Variants in CDYL observed in about 807,000 individuals in gnomAD.
CDYL encodes the protein chromodomain Y-like protein.
A neutral mutation model predicts 47.3 loss-of-function variants in CDYL; 8 were observed. The ratio of observed to expected loss-of-function variants is 0.17; its 90% CI spans 0.10 to 0.31. The LOEUF (loss-of-function observed/expected upper bound fraction) is 0.31. Ranked by LOEUF, CDYL falls within the 10% of genes least tolerant of loss-of-function variation. The pLI, the probability that CDYL is intolerant of heterozygous loss-of-function variation, is 1.00. For missense variants in CDYL, 471 were observed against 701.4 expected, an observed-to-expected ratio of 0.67 and a Z score of 3.71; for synonymous variants, 266 against 265.0, an observed-to-expected ratio of 1.00 and a Z score of -0.04.
chr6:4,739,676 G>A (rs147035717), intron 3 of CDYL, among the ~76,000 whole-genome samples: 27 of 152,104 alleles, frequency 1.8e-4, no homozygotes, highest in African/African-American at 5.1e-4. Flanking sequence ...GATTGAGGCC[G>A]GGCGTGGTGG....
chr6:4,856,459 G>A (rs748945850), intron 1 of CDYL, among the ~76,000 whole-genome samples: 17 of 152,160 alleles, frequency 1.1e-4, no homozygotes, highest in Non-Finnish European at 1.8e-4. Flanking sequence ...AGGAGGGAAG[G>A]GGACAAGGGG....
intron 1 of CDYL, among the ~76,000 whole-genome samples, 179 bp downstream of exon 1, chr6:4,776,986 C>T (rs1758477344): frequency 6.7e-6 from 1 of 150,324 alleles, no homozygotes; most frequent in Admixed American, 6.6e-5. Context: ...TTCCGAGGGG[C>T]CCCGGCCGGG....
intron 3 of CDYL, among the ~76,000 whole-genome samples, chr6:4,771,133 G>T (rs933929056): frequency 1.3e-5 from 2 of 151,804 alleles, no homozygotes; most frequent in African/African-American, 2.4e-5. Context: ...TTGGCGGGGG[G>T]GATGGAGTCT....
chr6:4,754,039 G>T (rs1336847692), intron 3 of CDYL, among the ~76,000 whole-genome samples: 2 of 152,108 alleles, frequency 1.3e-5, no homozygotes, highest in Non-Finnish European at 2.9e-5. Flanking sequence ...GGAGGCTGAG[G>T]TGGGAGGATC....
At chr6:4,729,223 T>C (rs1757562719) in intron 2 of CDYL, among the ~76,000 whole-genome samples, 1 of 151,988 alleles carries the variant, frequency 6.6e-6, no homozygotes, top group African/African-American at 2.4e-5. Context: ...CCCCTGAAAT[T>C]CCCCCAAACA....
At chr6:4,715,763 C>G (rs778140923) in exon 2 of CDYL, 2 of 1,613,632 alleles carry the variant, frequency 1.2e-6, no homozygotes, top group South Asian at 1.1e-5. Context: ...GAACACAGAG[C>G]CCCCGGAAGA....
Position 4,784,974 on chromosome 6 carries a change from G to T in CDYL, c.24+8167G>T, listed in dbSNP as rs115676335. Among the ~76,000 whole-genome samples, 223 of 152,246 alleles carry T rather than the reference G, an allele frequency of 1.5e-3. 1 individual carries two copies. The highest frequency in any genetic ancestry group is 4.7e-3 in the African/African-American group (196 of 41,526). On this transcript the variant is annotated intron_variant, in intron 1 of 6. Transcript: ENST00000397588. ...TCCTCATTCACCTTCCTCCATGATTGTGAGGCCCCCCCAGCCATGTGGAAC... is the reference window on the plus strand; with the variant it reads ...TCCTCATTCACCTTCCTCCATGATTTTGAGGCCCCCCCAGCCATGTGGAAC...
Position 4,943,770 on chromosome 6 carries a change from TAAA to T in CDYL, c.1332+29_1332+31del, listed in dbSNP as rs34649909. 3,336 of 1,172,810 alleles carry T rather than the reference TAAA, an allele frequency of 2.8e-3. 13 individuals are homozygous for T. The highest frequency in any genetic ancestry group is 0.018 in the African/African-American group (1,139 of 63,680). 72.7% of individuals were successfully genotyped at this position (1,172,810 alleles called of 1,614,324 possible). ...GGAGGAGCATCTGTGAGTACCTTTT[TAAA>T]AAAAAAAAAAAAAAGTCATTCTAGA... On this transcript the variant is annotated intron_variant, in intron 5 of 6. Transcript: ENST00000397588.
At chr6:4,870,172 C>T (rs1661449889) in intron 1 of CDYL, among the ~76,000 whole-genome samples, 1 of 152,142 alleles carries the variant, frequency 6.6e-6, no homozygotes, top group Non-Finnish European at 1.5e-5. Context: ...TCAAGCAATC[C>T]TCCTACCTCA....
At chr6:4,838,537 T>C (rs1478129730) in intron 1 of CDYL, among the ~76,000 whole-genome samples, 1 of 152,226 alleles carries the variant, frequency 6.6e-6, no homozygotes. Flanking sequence ...ACAGTTTCTT[T>C]ATATACTTGT....
At chr6:4,933,851 C>T (rs1030975249) in intron 2 of CDYL, among the ~76,000 whole-genome samples, 11 of 152,240 alleles carry the variant, frequency 7.2e-5, no homozygotes, top group Middle Eastern at 3.4e-3. Context: ...TTGGTCATAT[C>T]GACAAGTCAC....
intron 2 of CDYL, among the ~76,000 whole-genome samples, chr6:4,718,957 CTT>C (rs1319582917): frequency 2.7e-5 from 4 of 149,782 alleles, no homozygotes; most frequent in Non-Finnish European, 4.4e-5. Context: ...GAGTTTTGCT[CTT>C]GTTGCCCAGG....
At chr6:4,754,090 G>A (rs773394222) in intron 3 of CDYL, among the ~76,000 whole-genome samples, 1 of 152,202 alleles carries the variant, frequency 6.6e-6, no homozygotes, top group East Asian at 1.9e-4. Context: ...AGCTATGACT[G>A]CACCACTGCA....
At chr6:4,735,451 T>C (rs945150752) in intron 3 of CDYL, among the ~76,000 whole-genome samples, 4 of 152,042 alleles carry the variant, frequency 2.6e-5, no homozygotes. Flanking sequence ...TATTAGGATA[T>C]AATTGACATA....
chr6:4,725,304 C>A (rs949450703), intron 2 of CDYL, among the ~76,000 whole-genome samples: 1 of 152,280 alleles, frequency 6.6e-6, no homozygotes, highest in South Asian at 2.1e-4. Context: ...GTGGAGCTGC[C>A]TGCCAGTCCT....
intron 2 of CDYL, among the ~76,000 whole-genome samples, chr6:4,923,887 T>C (rs74879659): frequency 0.023 from 2,708 of 115,732 alleles, 44 homozygotes; most frequent in Middle Eastern, 0.047. Context: ...GGTGACAGAG[T>C]GAGACTCCGT....
chr6:4,726,698 T>C (rs1582286528), intron 2 of CDYL, among the ~76,000 whole-genome samples: 1 of 141,312 alleles, frequency 7.1e-6, no homozygotes, highest in South Asian at 2.2e-4. Context: ...GAGACCTGTC[T>C]CAAAAAAAAA....
chr6:4,746,669 A>G (rs1224619646), intron 3 of CDYL, among the ~76,000 whole-genome samples: 1 of 152,194 alleles, frequency 6.6e-6, no homozygotes, highest in Non-Finnish European at 1.5e-5. Context: ...CACAGGGAAG[A>G]GAGAAGCAGG....
At chr6:4,900,515 C>T (rs1046044388) in intron 2 of CDYL, among the ~76,000 whole-genome samples, 12 of 151,620 alleles carry the variant, frequency 7.9e-5, no homozygotes, top group African/African-American at 2.4e-4. Flanking sequence ...GAGAGTTAGT[C>T]GGCAACTTGC....
Sources: gnomAD v4.1 joint callset for allele counts (sites outside exome capture counted in the v4.1 genomes callset) on GRCh38, gnomAD v4.1.1 for gene constraint, MANE v1.5 for transcripts, NCBI Gene and HGNC (gene_info 2026-07-23, HGNC 2026-07-21) for gene names.